PYROXD1: variants seen among roughly 807,000 people sequenced by gnomAD.
The protein encoded by PYROXD1 is tRNA ligase complex-associated NAD(P)H dehydrogenase PYROXD1.
In PYROXD1, 42 loss-of-function variants were observed where a neutral mutation model predicts 62.0. The ratio of observed to expected loss-of-function variants is 0.68; its 90% CI spans 0.53 to 0.88. PYROXD1 has a LOEUF of 0.88. Among genes scored for constraint, PYROXD1 ranks in the 40% least tolerant of loss-of-function variants. The pLI, the probability that PYROXD1 is intolerant of heterozygous loss-of-function variation, is 0.00. For synonymous variants in PYROXD1, 170 were observed against 206.4 expected (o/e 0.82, Z 1.51); for missense variants, 493 against 604.8 (o/e 0.82, Z 1.94).
intron 10 of PYROXD1, 84 bp from the exon 11 acceptor site, chr12:21,467,397 C>T (rs762474498): frequency 3.5e-5 from 46 of 1,300,244 alleles, no homozygotes; most frequent in Non-Finnish European, 4.6e-5. Context: ...ACATTGAACT[C>T]CTTTAAGTGA....
At position 21,445,480 on chromosome 12, in the gene PYROXD1, T is replaced by C; in HGVS notation, c.285+14T>C. The stretch of plus-strand genomic sequence containing the variant: ...AGTGAAGAACACGTAAGATAATTGT[T>C]TTCTTAATAACATTTTCCATTGTTG... On this transcript the variant is annotated intron_variant, in intron 3 of 11. Transcript: ENST00000240651. The C allele has an allele frequency of 6.4e-7, 1 of 1,574,464 alleles. No homozygotes were observed. Among genetic ancestry groups the C allele is most frequent in the South Asian group, 1.2e-5 (1 of 83,088 alleles).
chr12:21,468,285 C>T (rs1382355464), intron 11 of PYROXD1, among the ~76,000 whole-genome samples: 6 of 151,824 alleles, frequency 4.0e-5, no homozygotes. Context: ...CTATATTCAC[C>T]AGAATTTTTT....
Position 21,437,700 on chromosome 12 carries a change from A to G in PYROXD1, c.-31A>G. ...TCCAGAGTCCCGTTGCTCCGCCGCG[A>G]TATTCAGTAAACCACTGGGAGTCCG... On this transcript the variant is annotated 5_prime_UTR_variant, in exon 1 of 12. Transcript: ENST00000240651. The G allele has an allele frequency of 6.3e-7, 1 of 1,599,054 alleles. No homozygotes were observed. The highest frequency in any genetic ancestry group is 1.1e-5 in the South Asian group (1 of 88,256).
In PYROXD1 at chr12:21,462,180, C is replaced by CT. The variant is rs1048688252; in HGVS notation, c.993+61dup. 5.6e-5 allele frequency: 50 copies of CT among 890,842 alleles called. 1 individual carries two copies. In the Middle Eastern group the frequency reaches 7.0e-3, roughly 125 times the overall value. 55.2% of individuals were successfully genotyped at this position (890,842 alleles called of 1,614,324 possible). ...ATTTGAAGTATTTTTGTGAAGATCTCTAATTCTCAAACATGAATAATTATT... is the reference window on the plus strand; with the variant it reads ...ATTTGAAGTATTTTTGTGAAGATCTCTTAATTCTCAAACATGAATAATTATT... On this transcript the variant is annotated intron_variant, in intron 9 of 11. Coordinates refer to ENST00000240651, the MANE Select transcript of PYROXD1 (RefSeq NM_024854.5).
intron 2 of PYROXD1, among the ~76,000 whole-genome samples, chr12:21,444,090 A>G (rs1942344336): frequency 1.3e-5 from 2 of 152,150 alleles, no homozygotes; most frequent in Non-Finnish European, 2.9e-5. Context: ...TTTGTAAGTT[A>G]TATACAACAG....
In PYROXD1 at chr12:21,467,635, TA is replaced by T. The variant is rs1008375472; in HGVS notation, c.1254+18del. The T allele has an allele frequency of 1.8e-5, 28 of 1,582,294 alleles. No homozygotes were observed. The highest frequency in any genetic ancestry group is 2.3e-5 in the Non-Finnish European group (27 of 1,156,130). On this transcript the variant is annotated intron_variant, in intron 11 of 11. Transcript: ENST00000240651. ...AACTATAAGGTAAGATAGTTAAGCATATTAATGCCTTCTCTGCTTGTTAGTC... is the reference window on the plus strand; with the variant it reads ...AACTATAAGGTAAGATAGTTAAGCATTTAATGCCTTCTCTGCTTGTTAGTC...
At chr12:21,449,149 G>A (rs992173202) in intron 3 of PYROXD1, among the ~76,000 whole-genome samples, 2 of 152,112 alleles carry the variant, frequency 1.3e-5, no homozygotes, top group Non-Finnish European at 2.9e-5. Flanking sequence ...CTTGAGATCA[G>A]AAATCTTCAT....
At chr12:21,447,683 T>C in intron 3 of PYROXD1, 1 of 175,618 alleles carries the variant, frequency 5.7e-6, no homozygotes, top group Admixed American at 6.2e-5. Context: ...TAGCGAACTT[T>C]GTATGTAAAA....
rs1432531788 is a variant in PYROXD1 at position 21,452,116 on chromosome 12, A to G, written c.450A>G (p.Ile150Met). The G allele has an allele frequency of 6.3e-7, 1 of 1,586,880 alleles. No homozygotes were observed. ...FQKQLTKAKR[I>M]MIIGNGGIAL... ...AACAGCTTACTAAAGCTAAAAGAATAATGATCATAGGGAACGGTGGTATTG... is the reference window on the plus strand; with the variant it reads ...AACAGCTTACTAAAGCTAAAAGAATGATGATCATAGGGAACGGTGGTATTG... The change falls in exon 5 of 12, where the codon ATA becomes ATG. Residue 150 changes from isoleucine to methionine, a missense_variant. Physicochemically the swap from Ile to Met is conservative, Grantham distance 10. Coordinates refer to ENST00000240651, the MANE Select transcript of PYROXD1 (RefSeq NM_024854.5).
intron 10 of PYROXD1, among the ~76,000 whole-genome samples, chr12:21,466,223 T>C (rs1198774870): frequency 6.7e-6 from 1 of 150,208 alleles, no homozygotes; most frequent in Non-Finnish European, 1.5e-5. Flanking sequence ...GGTAGCTTGA[T>C]GGGGATGGCA....
chr12:21,449,630 C>G lies in PYROXD1; in HGVS notation c.353C>G (p.Pro118Arg). ...KKLCLCAGAKPKLICEGNPYV... is the reference protein window; with the variant it reads ...KKLCLCAGAKRKLICEGNPYV... ...CTCTGTCTGTGTGCTGGAGCTAAAC[C>G]AAAGTTGATATGTGAAGGAAATCCT... Residue 118 changes from proline (P) to arginine (R), a missense_variant, in exon 4 of 12, where the codon CCA (proline) becomes CGA (arginine). Transcript: ENST00000240651. 1.2e-6 allele frequency: 2 copies of G among 1,612,738 alleles called. No individual in the cohort carries two copies. The highest frequency in any genetic ancestry group is 2.2e-5 in the South Asian group (2 of 91,000).
chr12:21,448,331 C>T (rs557397048), intron 3 of PYROXD1: 1 of 299,340 alleles, frequency 3.3e-6, no homozygotes, highest in East Asian at 5.4e-5. Context: ...GTGTCCTTTA[C>T]ATTTTTTAGT....
In PYROXD1 at chr12:21,469,008, T is replaced by G. The variant is rs193097438; in HGVS notation, c.*254T>G. On this transcript the variant is annotated 3_prime_UTR_variant, in exon 12 of 12. Transcript: ENST00000240651. ...TCTTAAGTTATTTATTTCTGTGTTT[T>G]AAACATAAATATGTTTACTTGTGAT... 2.6e-4 allele frequency: 84 copies of G among 329,314 alleles called. No homozygotes were observed. Among genetic ancestry groups the G allele is most frequent in the African/African-American group, 1.6e-3 (76 of 46,310 alleles). 20.4% of individuals were successfully genotyped at this position (329,314 alleles called of 1,614,324 possible). A position where few individuals can be genotyped will look rare whatever the true frequency, so the allele number is the denominator to read the frequency against.
chr12:21,462,458 TAC>T (rs1942716291), intron 9 of PYROXD1, among the ~76,000 whole-genome samples: 1 of 6,466 alleles, frequency 1.5e-4, no homozygotes, highest in Non-Finnish European at 4.1e-4. Flanking sequence ...ACTTGAAGCT[TAC>T]AAAAAAAAAA....
At chr12:21,439,026 AAAG>A (rs1942247449) in intron 1 of PYROXD1, among the ~76,000 whole-genome samples, 3 of 152,212 alleles carry the variant, frequency 2.0e-5, no homozygotes, top group Non-Finnish European at 4.4e-5. Context: ...TTTTTTAATC[AAAG>A]AAGGTATTTT....
At chr12:21,468,119 A>C (rs886290152) in intron 11 of PYROXD1, among the ~76,000 whole-genome samples, 11 of 152,054 alleles carry the variant, frequency 7.2e-5, no homozygotes, top group African/African-American at 2.7e-4. Flanking sequence ...TTCCTTGCCA[A>C]ATCTTTAAAC....
Position 21,456,058 on chromosome 12 carries a change from A to G in PYROXD1, c.713A>G (p.Asp238Gly), listed in dbSNP as rs754270735. ...AATGTAGGAAGTGCATTGGGACCAG[A>G]TTGGCATGAAGGCTTGAATCTTAAA... The part of the protein sequence containing the change: ...ADNVGSALGP[D>G]WHEGLNLKGT... The change falls in exon 7 of 12, where the codon GAT becomes GGT. Residue 238 changes from aspartate (D) to glycine (G), a missense_variant. Transcript: ENST00000240651. The G allele has an allele frequency of 2.5e-5, 41 of 1,611,384 alleles. No individual in the cohort carries two copies. Among genetic ancestry groups the G allele is most frequent in the Non-Finnish European group, 3.4e-5 (40 of 1,178,486 alleles).
At chr12:21,448,653 T>A (rs771741892) in intron 3 of PYROXD1, among the ~76,000 whole-genome samples, 2 of 152,232 alleles carry the variant, frequency 1.3e-5, no homozygotes, top group Non-Finnish European at 2.9e-5. Flanking sequence ...TGTTAAGTGC[T>A]ATGATACAGT....
intron 10 of PYROXD1, among the ~76,000 whole-genome samples, chr12:21,465,002 T>A (rs1942766462): frequency 6.6e-6 from 1 of 152,006 alleles, no homozygotes; most frequent in Non-Finnish European, 1.5e-5. Context: ...CATGAACTCA[T>A]CATTTTTTAT....
Sources: allele counts gnomAD v4.1 joint callset (sites outside exome capture counted in the v4.1 genomes callset), GRCh38; gene constraint gnomAD v4.1.1; transcripts MANE v1.5; gene names NCBI Gene and HGNC (gene_info 2026-07-23, HGNC 2026-07-21).